INPP4A: variants seen among roughly 807,000 people sequenced by gnomAD.
INPP4A encodes inositol polyphosphate-4-phosphatase type I A.
Under a neutral mutation model 119.8 loss-of-function variants are expected in INPP4A, and 33 were observed. The ratio of observed to expected loss-of-function variants is 0.28; its 90% CI spans 0.21 to 0.37. INPP4A has a LOEUF of 0.37. Ranked by LOEUF, INPP4A falls within the 10% of genes least tolerant of loss-of-function variation. INPP4A has a pLI of 1.00. For missense variants in INPP4A, 956 were observed against 1,289.9 expected, an observed-to-expected ratio of 0.74 and a Z score of 3.97; for synonymous variants, 496 against 500.7, an observed-to-expected ratio of 0.99 and a Z score of 0.12.
At chr2:98,560,713 C>T (rs1372032332) in intron 17 of INPP4A, among the ~76,000 whole-genome samples, 3 of 152,206 alleles carry the variant, frequency 2.0e-5, no homozygotes, top group Non-Finnish European at 2.9e-5. Context: ...CCAGTGCCTT[C>T]GGACTGAGCT....
intron 1 of INPP4A, among the ~76,000 whole-genome samples, chr2:98,511,978 A>G (rs919427138): frequency 3.3e-5 from 5 of 152,198 alleles, no homozygotes; most frequent in African/African-American, 1.2e-4. Context: ...TGGAGAAGGT[A>G]GGAAAGTTGG....
intron 1 of INPP4A, among the ~76,000 whole-genome samples, chr2:98,460,840 C>T (rs1000278864): frequency 1.3e-5 from 2 of 152,156 alleles, no homozygotes; most frequent in African/African-American, 4.8e-5. Flanking sequence ...GAAATGAAAC[C>T]CAGCATTGGA....
intron 1 of INPP4A, among the ~76,000 whole-genome samples, chr2:98,446,097 T>G (rs1694136288): frequency 1.3e-5 from 2 of 152,222 alleles, no homozygotes; most frequent in Admixed American, 1.3e-4. Context: ...TGGGTTGACT[T>G]CGGTGTGAAT....
intron 17 of INPP4A, among the ~76,000 whole-genome samples, chr2:98,560,401 A>T (rs1312962360): frequency 6.6e-6 from 1 of 152,098 alleles, no homozygotes; most frequent in Non-Finnish European, 1.5e-5. Flanking sequence ...AAGCCTGTCC[A>T]CCCATACAGC....
chr2:98,578,850 C>T (rs546366153), intron 24 of INPP4A, among the ~76,000 whole-genome samples: 11 of 152,220 alleles, frequency 7.2e-5, no homozygotes, highest in Non-Finnish European at 1.6e-4. Flanking sequence ...GAACAGGTAG[C>T]GCTGCGGACA....
intron 23 of INPP4A, among the ~76,000 whole-genome samples, chr2:98,575,736 T>A (rs1041105114): frequency 1.3e-5 from 2 of 152,220 alleles, no homozygotes; most frequent in African/African-American, 4.8e-5. Flanking sequence ...TGTTGTGCCA[T>A]CTTCAGGAGT....
intron 23 of INPP4A, among the ~76,000 whole-genome samples, chr2:98,574,958 T>C (rs1249978983): frequency 2.2e-4 from 33 of 152,166 alleles, no homozygotes; most frequent in South Asian, 2.1e-4. Context: ...TGCAAGGCTC[T>C]CAGAGACCCT....
chr2:98,576,810 A>G (rs1277981818), intron 23 of INPP4A, among the ~76,000 whole-genome samples, 179 bp from the exon 24 acceptor site: 1 of 152,190 alleles, frequency 6.6e-6, no homozygotes, highest in Admixed American at 6.5e-5. Context: ...CTTGGTTTCT[A>G]TTGCCAGCTC....
At chr2:98,573,649 C>T (rs997072638) in intron 23 of INPP4A, among the ~76,000 whole-genome samples, 1 of 152,166 alleles carries the variant, frequency 6.6e-6, no homozygotes, top group Admixed American at 6.5e-5. Context: ...AGGGTCCAGC[C>T]CTCCACAGCT....
rs755500463 is a variant in INPP4A, at chr2:98,515,027, G to A, written c.-165-3937G>A. ...GTTCCCGGAGAGTGGCACATAGGGC[G>A]GGCAGGGCAGCTCCACGCCCTTCCC... On this transcript the variant is annotated intron_variant, in intron 1 of 24. Coordinates refer to ENST00000409851, the MANE Select transcript of INPP4A (RefSeq NM_001134225.2). 4.7e-4 allele frequency among the ~76,000 whole-genome samples: 72 copies of A among 152,154 alleles called. 2 individuals are homozygous for A. Among genetic ancestry groups the A allele is most frequent in the East Asian group, 1.9e-4 (1 of 5,194 alleles).
At chr2:98,479,994 G>T (rs1399695581) in intron 1 of INPP4A, among the ~76,000 whole-genome samples, 4 of 152,188 alleles carry the variant, frequency 2.6e-5, no homozygotes, top group African/African-American at 9.7e-5. Flanking sequence ...GCACAGAATG[G>T]CAGGGTCCTG....
At chr2:98,506,131 G>A (rs1336265566) in intron 1 of INPP4A, among the ~76,000 whole-genome samples, 1 of 152,220 alleles carries the variant, frequency 6.6e-6, no homozygotes, top group Non-Finnish European at 1.5e-5. Context: ...AGCTGGAGAT[G>A]GAGTCAGAGA....
chr2:98,511,926 A>G (rs1300617135), intron 1 of INPP4A, among the ~76,000 whole-genome samples: 1 of 152,212 alleles, frequency 6.6e-6, no homozygotes, highest in Non-Finnish European at 1.5e-5. Context: ...TAGCGCAAGC[A>G]AAGTACCGTG....
rs562902388 is a variant in INPP4A at position 98,488,589 on chromosome 2, C to G, written c.-165-30375C>G. Reference sequence around the variant, plus strand: ...CTCTCACCAGCTCATGGTGGAGATGCAGTAAAAAGATCTTGAATAAATGAG... The same window carrying G: ...CTCTCACCAGCTCATGGTGGAGATGGAGTAAAAAGATCTTGAATAAATGAG... On this transcript the variant is annotated intron_variant, in intron 1 of 24. Coordinates refer to ENST00000409851, the MANE Select transcript of INPP4A (RefSeq NM_001134225.2). Among the ~76,000 whole-genome samples the G allele has an allele frequency of 1.2e-4, 19 of 152,334 alleles. No individual in the cohort carries two copies. The Middle Eastern group carries it at 0.01, about 82-fold the overall frequency.
At chr2:98,584,659 T>C (rs956047435) in intron 24 of INPP4A, among the ~76,000 whole-genome samples, 2 of 152,256 alleles carry the variant, frequency 1.3e-5, no homozygotes, top group African/African-American at 4.8e-5. Context: ...ATAAGGTTCT[T>C]TGTTTCTCTC....
chr2:98,509,303 C>G, intron 1 of INPP4A, among the ~76,000 whole-genome samples: 1 of 152,210 alleles, frequency 6.6e-6, no homozygotes. Context: ...GCATTACTGC[C>G]TGAGCTCCAC....
chr2:98,536,057 C>T, intron 6 of INPP4A, 72 bp from the exon 7 acceptor site: 1 of 967,282 alleles, frequency 1.0e-6, no homozygotes, highest in East Asian at 2.5e-5. Context: ...GCTGGACTCT[C>T]TGGGGCCATG....
At chr2:98,507,087 C>T (rs1684208940) in intron 1 of INPP4A, among the ~76,000 whole-genome samples, 1 of 152,220 alleles carries the variant, frequency 6.6e-6, no homozygotes, top group Non-Finnish European at 1.5e-5. Context: ...GGCCGCTGGC[C>T]ACTGCTGTTT....
At chr2:98,459,354 G>C (rs17444095) in intron 1 of INPP4A, among the ~76,000 whole-genome samples, 35,309 of 152,136 alleles carry the variant, frequency 0.23, 4,370 homozygotes, top group Middle Eastern at 0.32. Flanking sequence ...GGTCGCTGCT[G>C]AGTAGCCAAA....
Sources: allele counts gnomAD v4.1 joint callset (sites outside exome capture counted in the v4.1 genomes callset), GRCh38; gene constraint gnomAD v4.1.1; transcripts MANE v1.5; gene names NCBI Gene and HGNC (gene_info 2026-07-23, HGNC 2026-07-21).